AGTPBP1: variants seen among roughly 807,000 people sequenced by gnomAD.
The protein encoded by AGTPBP1 is ATP/GTP binding carboxypeptidase 1, also known as cytosolic carboxypeptidase 1.
AGTPBP1 carries 70 observed loss-of-function variants against 143.9 expected under a neutral mutation model. That is an observed-to-expected ratio of 0.49 (90% CI 0.40 to 0.59). The LOEUF (loss-of-function observed/expected upper bound fraction) is 0.59. Among genes scored for constraint, AGTPBP1 ranks in the 20% least tolerant of loss-of-function variants. The pLI is 0.00. For synonymous variants in AGTPBP1, 463 were observed against 500.2 expected (o/e 0.93, Z 0.99); for missense variants, 1,229 against 1,464.5 (o/e 0.84, Z 2.62).
At chr9:85,783,915 G>A in the AGTPBP1 span, among the ~76,000 whole-genome samples, 3 of 152,172 alleles carry the variant, frequency 2.0e-5, no homozygotes, top group Non-Finnish European at 4.4e-5. Context: ...ATGAGCCACC[G>A]TGCCCAGCGG....
At position 85,656,868 on chromosome 9, in the gene AGTPBP1, T is replaced by C. The variant is rs114980541; in HGVS notation, c.909+567A>G. ...CTGTAAAGGATCCACAGATACCTCA[T>C]GAGAGGAGCAAACAACACCGAGTAC... On this transcript the variant is annotated intron_variant, in intron 10 of 25. Transcript: ENST00000357081. Among the ~76,000 whole-genome samples the C allele has an allele frequency of 3.2e-3, 487 of 152,250 alleles. 5 individuals carry two copies. Among genetic ancestry groups the C allele is most frequent in the African/African-American group, 0.011 (469 of 41,552 alleles).
At chr9:85,792,534 C>T in the AGTPBP1 span, among the ~76,000 whole-genome samples, 3 of 152,202 alleles carry the variant, frequency 2.0e-5, no homozygotes, top group Non-Finnish European at 4.4e-5. Flanking sequence ...CCAGGTGTCA[C>T]CAGCTGTTAG....
chr9:85,653,029 T>C (rs1463298726), intron 11 of AGTPBP1, among the ~76,000 whole-genome samples: 3 of 152,194 alleles, frequency 2.0e-5, no homozygotes, highest in South Asian at 2.1e-4. Flanking sequence ...AGTTCAGACC[T>C]ATCCTTGTGG....
chr9:85,602,647 C>A (rs900907209), intron 17 of AGTPBP1, among the ~76,000 whole-genome samples: 1 of 152,162 alleles, frequency 6.6e-6, no homozygotes, highest in African/African-American at 2.4e-5. Context: ...GATCACCGCC[C>A]CCCACTCCAT....
At chr9:85,688,096 T>TAA (rs58523894) in intron 3 of AGTPBP1, among the ~76,000 whole-genome samples, 3,358 of 34,524 alleles carry the variant, frequency 0.097, 88 homozygotes, top group African/African-American at 0.11. Context: ...GTCTCAAAAT[T>TAA]AAAAAAAAAA....
intron 13 of AGTPBP1, among the ~76,000 whole-genome samples, chr9:85,638,906 G>C (rs561539747): frequency 6.6e-6 from 1 of 151,990 alleles, no homozygotes; most frequent in African/African-American, 2.4e-5. Context: ...AATAGAATAA[G>C]AATAAAAATC....
At chr9:85,721,632 A>C (rs2134620509) in intron 1 of AGTPBP1, among the ~76,000 whole-genome samples, 1 of 151,998 alleles carries the variant, frequency 6.6e-6, no homozygotes, top group South Asian at 2.1e-4. Flanking sequence ...CCAATTTGCC[A>C]GTCTATGTCT....
At position 85,586,881 on chromosome 9, in the gene AGTPBP1, G is replaced by A. The variant is rs750427009; in HGVS notation, c.2983C>T (p.His995Tyr). Reference sequence around the variant, plus strand: ...AAGTATTGCAACAGCCCCTTAGCATGGTAAATTGTAGGATGTAAATCCGGA... The same window carrying A: ...AAGTATTGCAACAGCCCCTTAGCATAGTAAATTGTAGGATGTAAATCCGGA... ...PSPDLHPTIY[H>Y]AKGLLQYLAA... Residue 995 changes from histidine (H) to tyrosine (Y), a missense_variant, in exon 22 of 26, where the codon CAT becomes TAT. This residue lies in a region of AGTPBP1 where 486 missense variants were observed against 652.3 expected (regional missense o/e 0.75). Transcript: ENST00000357081. 6.2e-7 allele frequency: 1 copy of A among 1,613,976 alleles called. No individual in the cohort carries two copies. The highest frequency in any genetic ancestry group is 8.5e-7 in the Non-Finnish European group (1 of 1,179,944).
At chr9:85,639,639 A>C (rs919600557) in intron 13 of AGTPBP1, among the ~76,000 whole-genome samples, 1 of 152,226 alleles carries the variant, frequency 6.6e-6, no homozygotes, top group Non-Finnish European at 1.5e-5. Context: ...TAACTTTGAC[A>C]AAAATTTAAA....
chr9:85,770,453 T>C, the AGTPBP1 span: 2 of 1,586,756 alleles, frequency 1.3e-6, no homozygotes, highest in Non-Finnish European at 1.7e-6. Flanking sequence ...CTGAGTCCTG[T>C]TGAGATTAGA....
At chr9:85,751,718 G>A in the AGTPBP1 span, among the ~76,000 whole-genome samples, 5 of 152,178 alleles carry the variant, frequency 3.3e-5, no homozygotes, top group Admixed American at 2.0e-4. Flanking sequence ...AAGTTCAAGC[G>A]ATTCTCGTGC....
At chr9:85,644,213 A>G (rs1208013504) in intron 12 of AGTPBP1, among the ~76,000 whole-genome samples, 1 of 151,916 alleles carries the variant, frequency 6.6e-6, no homozygotes, top group Admixed American at 6.6e-5. Context: ...TCACTGTATC[A>G]TTATTGTATA....
At chr9:85,771,510 G>T in the AGTPBP1 span, among the ~76,000 whole-genome samples, 1 of 152,106 alleles carries the variant, frequency 6.6e-6, no homozygotes, top group Non-Finnish European at 1.5e-5. Flanking sequence ...TGTGAAATAA[G>T]ATAAATGAAA....
At chr9:85,623,497 G>A (rs1831075070) in intron 14 of AGTPBP1, among the ~76,000 whole-genome samples, 1 of 152,086 alleles carries the variant, frequency 6.6e-6, no homozygotes, top group African/African-American at 2.4e-5. Context: ...GCTCGTGCCT[G>A]TAATCTCAGC....
At chr9:85,784,902 A>G in the AGTPBP1 span, among the ~76,000 whole-genome samples, 1 of 152,222 alleles carries the variant, frequency 6.6e-6, no homozygotes, top group East Asian at 1.9e-4. Context: ...CTGTAAATCT[A>G]TATTTTTATA....
chr9:85,679,469 G>A lies in AGTPBP1; in HGVS notation c.226-1071C>T, dbSNP rs578228448. 1.2e-4 allele frequency among the ~76,000 whole-genome samples: 18 copies of A among 151,976 alleles called. No individual in the cohort carries two copies. The East Asian group carries it at 2.3e-3, about 20-fold the overall frequency. ...GTCACCCAGGATGGAGTGCAGTGGC[G>A]CAATCTCGGCTCACTGCAAGCTCCG... On this transcript the variant is annotated intron_variant, in intron 4 of 25. Transcript: ENST00000357081.
the AGTPBP1 span, among the ~76,000 whole-genome samples, chr9:85,768,288 C>T: frequency 1.3e-5 from 2 of 152,192 alleles, no homozygotes; most frequent in African/African-American, 4.8e-5. Context: ...AAACTCTTCA[C>T]ATTTGTTTTT....
intron 1 of AGTPBP1, among the ~76,000 whole-genome samples, chr9:85,736,384 A>T (rs942394109): frequency 6.6e-6 from 1 of 152,230 alleles, no homozygotes; most frequent in African/African-American, 2.4e-5. Context: ...CAATCAGATC[A>T]GGGTAATTAG....
intron 14 of AGTPBP1, among the ~76,000 whole-genome samples, chr9:85,625,569 A>C (rs1333210580): frequency 6.6e-6 from 1 of 152,164 alleles, no homozygotes; most frequent in Non-Finnish European, 1.5e-5. Flanking sequence ...AGTGTAATTT[A>C]TAATAAAACG....
Sources: gnomAD v4.1 joint callset for allele counts (sites outside exome capture counted in the v4.1 genomes callset) on GRCh38, gnomAD v4.1.1 for gene constraint, gnomAD v4.1.1 regional missense constraint, MANE v1.5 for transcripts, NCBI Gene and HGNC (gene_info 2026-07-23, HGNC 2026-07-21) for gene names.